Variants in KCNE3 observed in about 807,000 individuals in gnomAD.
KCNE3 encodes potassium voltage-gated channel subfamily E member 3.
Under a neutral mutation model 4.3 loss-of-function variants are expected in KCNE3, and 2 were observed. The ratio of observed to expected loss-of-function variants is 0.47; its 90% CI spans 0.19 to 1.48. KCNE3 has a LOEUF of 1.48. Ranked by LOEUF, KCNE3 falls within the 40% of genes most tolerant of loss-of-function variation. The pLI, the probability that KCNE3 is intolerant of heterozygous loss-of-function variation, is 0.25. For synonymous variants in KCNE3, 47 were observed against 52.0 expected (o/e 0.90, Z 0.41); for missense variants, 128 against 136.8 (o/e 0.94, Z 0.32).
intron 1 of KCNE3, among the ~76,000 whole-genome samples, chr11:74,464,025 C>T (rs1430366502): frequency 1.3e-5 from 2 of 152,180 alleles, no homozygotes; most frequent in Non-Finnish European, 2.9e-5. Flanking sequence ...CGTTTATGCT[C>T]TCATCTTCCA....
chr11:74,456,491 C>T lies in KCNE3; in HGVS notation c.*761G>A, dbSNP rs1033626876. The T allele has an allele frequency of 6.6e-6, 1 of 152,128 alleles. No homozygotes were observed. Among genetic ancestry groups the T allele is most frequent in the African/African-American group, 2.4e-5 (1 of 41,394 alleles). The allele number at this position is 152,128 out of a possible 1,614,324, so 9.4% of individuals were successfully genotyped here. A position where few individuals can be genotyped will look rare whatever the true frequency, so the allele number is the denominator to read the frequency against. ...AGAAGCATATGAACCATAGAGCTAA[C>T]GAGGCCTAACATTCAGGGTCCTGAC... On this transcript the variant is annotated 3_prime_UTR_variant, in exon 3 of 3. Transcript: ENST00000310128.
At chr11:74,465,416 G>A (rs894326773) in intron 1 of KCNE3, among the ~76,000 whole-genome samples, 1 of 152,150 alleles carries the variant, frequency 6.6e-6, no homozygotes. Context: ...CAGTCAGGTG[G>A]GGTGAGTCAG....
rs926905496 is a variant in KCNE3 at position 74,467,160 on chromosome 11, G to A, written c.-190+238C>T. The stretch of plus-strand genomic sequence containing the variant: ...GCAAGTCCCCACGGTTTCCAGACGG[G>A]GCGCGCAGAGCCCAGCTCCCTACTC... On this transcript the variant is annotated intron_variant, in intron 1 of 2. Coordinates refer to ENST00000310128, the MANE Select transcript of KCNE3 (RefSeq NM_005472.5). The surrounding 1 kb of genome is among the most constrained non-coding windows in gnomAD (Gnocchi z 4.4). Among the ~76,000 whole-genome samples the A allele has an allele frequency of 6.6e-5, 10 of 152,152 alleles. No individual in the cohort carries two copies. The highest frequency in any genetic ancestry group is 4.6e-4 in the Admixed American group (7 of 15,282).
chr11:74,460,294 G>A (rs746326239), intron 2 of KCNE3, among the ~76,000 whole-genome samples: 10 of 152,310 alleles, frequency 6.6e-5, no homozygotes, highest in South Asian at 2.1e-4. Flanking sequence ...TGCTTCCCTC[G>A]TGTGGGCCAA....
Position 74,463,925 on chromosome 11 carries a change from G to A in KCNE3, c.-189-1822C>T, listed in dbSNP as rs41312361. On this transcript the variant is annotated intron_variant, in intron 1 of 2. Coordinates refer to ENST00000310128, the MANE Select transcript of KCNE3 (RefSeq NM_005472.5). ...TCATCTCCTCTAACTTCGTCACTAT[G>A]GCCTTTTCATGCACCACAGATTCTC... is the stretch of plus-strand genomic sequence containing the variant. Among the ~76,000 whole-genome samples the A allele has an allele frequency of 6.1e-3, 933 of 152,270 alleles. 8 individuals carry two copies. The highest frequency in any genetic ancestry group is 0.021 in the African/African-American group (882 of 41,544).
intron 1 of KCNE3, among the ~76,000 whole-genome samples, chr11:74,464,527 C>T (rs148256622): frequency 6.6e-6 from 1 of 152,162 alleles, no homozygotes; most frequent in East Asian, 1.9e-4. Flanking sequence ...GGAATAGAAT[C>T]TGAGCTGGAA....
intron 2 of KCNE3, among the ~76,000 whole-genome samples, chr11:74,461,082 T>C (rs1027893433): frequency 3.3e-5 from 5 of 152,194 alleles, no homozygotes; most frequent in African/African-American, 9.7e-5. Flanking sequence ...TTGATGAGCC[T>C]ACTCTGAAGG....
intron 1 of KCNE3, among the ~76,000 whole-genome samples, chr11:74,463,297 C>T (rs1479818538): frequency 1.3e-5 from 2 of 152,076 alleles, no homozygotes; most frequent in Admixed American, 6.5e-5. Flanking sequence ...GTGCTTCTGA[C>T]AGGAGGAGGA....
At chr11:74,465,485 A>AC (rs2135020871) in intron 1 of KCNE3, among the ~76,000 whole-genome samples, 1 of 152,190 alleles carries the variant, frequency 6.6e-6, no homozygotes, top group South Asian at 2.1e-4. Flanking sequence ...CCTGGACCCC[A>AC]TTCAATCCAA....
chr11:74,458,214 T>G (rs902481104), intron 2 of KCNE3, among the ~76,000 whole-genome samples: 1 of 152,242 alleles, frequency 6.6e-6, no homozygotes, highest in African/African-American at 2.4e-5. Context: ...TAAATAATTG[T>G]ACAACAAAGC....
intron 1 of KCNE3, among the ~76,000 whole-genome samples, chr11:74,465,122 G>GTGTGTGTGTA (rs1864033654): frequency 6.6e-6 from 1 of 151,704 alleles, no homozygotes; most frequent in Non-Finnish European, 1.5e-5. Context: ...GTGTGTGTGT[G>GTGTGTGTGTA]TGTATGTGTG....
At chr11:74,457,639 G>A (rs1863854368) in intron 2 of KCNE3, 36 bp from the exon 3 acceptor site, 3 of 1,309,652 alleles carry the variant, frequency 2.3e-6, no homozygotes, top group South Asian at 1.2e-5. Flanking sequence ...GGATGGCTCT[G>A]TCACCTGCAG....
intron 2 of KCNE3, 68 bp downstream of exon 2, chr11:74,461,887 T>A: frequency 6.6e-6 from 1 of 151,914 alleles, no homozygotes; most frequent in East Asian, 1.9e-4. Flanking sequence ...TCAGTTTTCT[T>A]AGGTATCATT....
At chr11:74,466,287 A>G (rs529736186) in intron 1 of KCNE3, among the ~76,000 whole-genome samples, 1 of 152,314 alleles carries the variant, frequency 6.6e-6, no homozygotes, top group East Asian at 1.9e-4. Context: ...GCACTCGCAC[A>G]TTAAGTTTAT....
At position 74,456,991 on chromosome 11, in the gene KCNE3, T is replaced by C. The variant is rs746582810; in HGVS notation, c.*261A>G. 3.8e-6 allele frequency: 2 copies of C among 532,660 alleles called. No individual in the cohort carries two copies. Among genetic ancestry groups the C allele is most frequent in the Non-Finnish European group, 6.8e-6 (2 of 295,294 alleles). The allele number at this position is 532,660 out of a possible 1,614,324, so 33.0% of individuals were successfully genotyped here. On this transcript the variant is annotated 3_prime_UTR_variant, in exon 3 of 3. Transcript: ENST00000310128. ...CCACTGAACCAGTTATTGGTCATTATCTGTTGCTACTTTTATATGTTTGTT... is the reference window on the plus strand; with the variant it reads ...CCACTGAACCAGTTATTGGTCATTACCTGTTGCTACTTTTATATGTTTGTT...
chr11:74,461,784 A>T (rs1863959195), intron 2 of KCNE3, among the ~76,000 whole-genome samples, 171 bp downstream of exon 2: 2 of 139,734 alleles, frequency 1.4e-5, no homozygotes, highest in Non-Finnish European at 1.6e-5. Flanking sequence ...ACATAGGTTT[A>T]AAAAAAAAAA....
rs565798552 is a variant in KCNE3, at chr11:74,457,204, A to G, written c.*48T>C. 661 of 1,570,372 alleles carry G rather than the reference A, an allele frequency of 4.2e-4. 6 individuals are homozygous for G. The South Asian group carries it at 7.3e-3, about 17-fold the overall frequency. ...CACAGCAGAGTTCTGGAGGCCCCAG[A>G]CGCAATCCCCAGGTGTCTTGGTCTT... On this transcript the variant is annotated 3_prime_UTR_variant, in exon 3 of 3. Transcript: ENST00000310128.
chr11:74,457,029 C>T lies in KCNE3; in HGVS notation c.*223G>A. On this transcript the variant is annotated 3_prime_UTR_variant, in exon 3 of 3. Coordinates refer to ENST00000310128, the MANE Select transcript of KCNE3 (RefSeq NM_005472.5). The stretch of plus-strand genomic sequence containing the variant: ...TTATATGTTTGTTCATGGGCTCCCA[C>T]TGTTTATAAAGTCTATCTTTTCCTG... 1 of 591,140 alleles carries T rather than the reference C, an allele frequency of 1.7e-6. No homozygotes were observed. The highest frequency in any genetic ancestry group is 2.0e-5 in the South Asian group (1 of 49,634). The allele number at this position is 591,140 out of a possible 1,614,324, so 36.6% of individuals were successfully genotyped here.
chr11:74,458,182 C>T (rs1467934441), intron 2 of KCNE3, among the ~76,000 whole-genome samples: 1 of 152,228 alleles, frequency 6.6e-6, no homozygotes, highest in African/African-American at 2.4e-5. Context: ...CTTATGACAG[C>T]ATTCAATAAG....
Sources: allele counts gnomAD v4.1 joint callset (sites outside exome capture counted in the v4.1 genomes callset), GRCh38; gene constraint gnomAD v4.1.1; non-coding constraint Gnocchi (gnomAD v3.1); transcripts MANE v1.5; gene names NCBI Gene and HGNC (gene_info 2026-07-23, HGNC 2026-07-21).